Variants in BDP1 observed in about 807,000 individuals in gnomAD.
The protein encoded by BDP1 is transcription factor TFIIIB component B'' homolog.
In BDP1, 169 loss-of-function variants were observed where a neutral mutation model predicts 266.6. The ratio of observed to expected loss-of-function variants is 0.63; its 90% CI spans 0.56 to 0.72. The LOEUF is 0.72. Ranked by LOEUF, BDP1 falls within the 30% of genes least tolerant of loss-of-function variation. The pLI, the probability that BDP1 is intolerant of heterozygous loss-of-function variation, is 0.00. For synonymous variants in BDP1, 1,090 were observed against 1,022.4 expected (o/e 1.07, Z -1.26); for missense variants, 3,015 against 3,053.8 (o/e 0.99, Z 0.30).
intron 25 of BDP1, among the ~76,000 whole-genome samples, chr5:71,525,031 C>T (rs1381921922): frequency 6.6e-6 from 1 of 152,098 alleles, no homozygotes; most frequent in African/African-American, 2.4e-5. Flanking sequence ...CCCATGTCTA[C>T]CTCTTTCTAC....
At chr5:71,540,608 A>G (rs1766907486) in intron 28 of BDP1, among the ~76,000 whole-genome samples, 1 of 152,120 alleles carries the variant, frequency 6.6e-6, no homozygotes. Flanking sequence ...GATTACAGGC[A>G]TGAGCCACCG....
intron 22 of BDP1, among the ~76,000 whole-genome samples, chr5:71,520,487 T>A (rs1371379227): frequency 6.6e-6 from 1 of 152,240 alleles, no homozygotes; most frequent in Non-Finnish European, 1.5e-5. Flanking sequence ...CAGAGCAATT[T>A]AACTCTGATA....
intron 13 of BDP1, among the ~76,000 whole-genome samples, chr5:71,499,039 T>C (rs1243151561): frequency 6.6e-6 from 1 of 152,172 alleles, no homozygotes; most frequent in East Asian, 1.9e-4. Context: ...ACTTTATCTA[T>C]GTATGCACAC....
Position 71,464,116 on chromosome 5 carries a change from GAGTA to G in BDP1, c.659+4_659+7del. 5 of 1,554,980 alleles carry G rather than the reference GAGTA, an allele frequency of 3.2e-6. No individual in the cohort carries two copies. Among genetic ancestry groups the G allele is most frequent in the African/African-American group, 2.8e-5 (2 of 72,650 alleles). On this transcript the variant is annotated splice_donor_variant and splice_donor_region_variant and coding_sequence_variant and intron_variant, in exon 4 of 39. Coordinates refer to ENST00000358731, the MANE Select transcript of BDP1 (RefSeq NM_018429.3). LOFTEE classifies it high-confidence loss of function. ...GCCATCGACTCCAGTCCAGACAAGA[GAGTA>G]AGTATTTTATTTTTGAATATATTCT...
At chr5:71,538,994 A>G (rs549416838) in intron 26 of BDP1, 48 bp from the exon 27 acceptor site, 2 of 1,272,916 alleles carry the variant, frequency 1.6e-6, no homozygotes, top group African/African-American at 1.5e-5. Flanking sequence ...GAAACAGAAC[A>G]TGTTTGGGGA....
At chr5:71,522,605 C>A in intron 23 of BDP1, 115 bp downstream of exon 23, 2 of 1,162,436 alleles carry the variant, frequency 1.7e-6, no homozygotes, top group Non-Finnish European at 2.4e-6. Flanking sequence ...TAACCATTTT[C>A]ATGAAAAGTG....
chr5:71,531,977 G>A (rs1766276212), intron 25 of BDP1, among the ~76,000 whole-genome samples: 1 of 152,156 alleles, frequency 6.6e-6, no homozygotes, highest in South Asian at 2.1e-4. Flanking sequence ...TTCTATAAAT[G>A]TTAACAGACT....
At chr5:71,490,100 C>A (rs1253650954) in intron 10 of BDP1, among the ~76,000 whole-genome samples, 1 of 151,936 alleles carries the variant, frequency 6.6e-6, no homozygotes, top group Non-Finnish European at 1.5e-5. Context: ...TTCCCTTTTT[C>A]TTTTTTACTC....
chr5:71,471,436 G>T lies in BDP1; in HGVS notation c.1014+947G>T, dbSNP rs983684936. 3.3e-5 allele frequency among the ~76,000 whole-genome samples: 5 copies of T among 152,292 alleles called. No individual in the cohort carries two copies. In the South Asian group the frequency reaches 1.0e-3, roughly 32 times the overall value. On this transcript the variant is annotated intron_variant, in intron 7 of 38. Transcript: ENST00000358731. ...TGGAATTACAGGCGTGAGCCATCAT[G>T]CCCGGTTGAGGGTAGCTTTTTCAAT...
Position 71,464,049 on chromosome 5 carries a change from G to A in BDP1, c.600-9G>A. The A allele has an allele frequency of 2.7e-6, 4 of 1,490,510 alleles. No homozygotes were observed. Among genetic ancestry groups the A allele is most frequent in the South Asian group, 1.2e-5 (1 of 80,374 alleles). The allele number at this position is 1,490,510 out of a possible 1,614,324, so 92.3% of individuals were successfully genotyped here. On this transcript the variant is annotated splice_polypyrimidine_tract_variant and intron_variant, in intron 3 of 38. Coordinates refer to ENST00000358731, the MANE Select transcript of BDP1 (RefSeq NM_018429.3). ...ATTTATTAAAGATATTGTTATTTAT[G>A]TTCAATAGTTCTTCACTGGAACAAG...
At chr5:71,544,555 A>G (rs368651460) in intron 31 of BDP1, 48 bp downstream of exon 31, 125 of 1,576,738 alleles carry the variant, frequency 7.9e-5, no homozygotes, top group Non-Finnish European at 1.1e-4. Flanking sequence ...TGTTTCAGCT[A>G]TAGCCTTAAG....
At chr5:71,489,254 A>T in intron 9 of BDP1, 150 bp from the exon 10 acceptor site, 1 of 528,128 alleles carries the variant, frequency 1.9e-6, no homozygotes, top group East Asian at 3.1e-5. Flanking sequence ...TATATTATTT[A>T]GTCATTTCCC....
Position 71,512,404 on chromosome 5 carries a change from A to C in BDP1, c.4223A>C (p.Glu1408Ala). Residue 1408 changes from glutamate (E) to alanine (A), a missense_variant, in exon 18 of 39, where the codon GAG (glutamate) becomes GCG (alanine). Glu to Ala is a moderately radical substitution (Grantham distance 107). Around this residue, in one of 3 missense-constraint regions of BDP1, gnomAD observed 2,383 missense variants for 2,404.9 expected, o/e 0.99. Transcript: ENST00000358731. ...VQGIQSPDVP[E>A]QFSDINLSKS... ...GGGATTCAATCTCCAGATGTTCCAG[A>C]GCAGTTTTCAGATATTAATTTAAGG... The C allele has an allele frequency of 6.4e-7, 1 of 1,563,848 alleles. No homozygotes were observed. The highest frequency in any genetic ancestry group is 8.6e-7 in the Non-Finnish European group (1 of 1,164,082).
intron 7 of BDP1, among the ~76,000 whole-genome samples, chr5:71,478,615 T>G (rs1038828339): frequency 1.3e-5 from 2 of 152,180 alleles, no homozygotes; most frequent in Admixed American, 1.3e-4. Context: ...CATATCGTTC[T>G]TGCCTCATAT....
At chr5:71,491,498 T>G (rs1474480101) in intron 11 of BDP1, among the ~76,000 whole-genome samples, 2 of 151,892 alleles carry the variant, frequency 1.3e-5, no homozygotes, top group Non-Finnish European at 2.9e-5. Context: ...GTGTGTGTGT[T>G]TTTAAATTTT....
Position 71,525,999 on chromosome 5 carries a change from C to G in BDP1, c.5772+1676C>G, listed in dbSNP as rs1048037734. On this transcript the variant is annotated intron_variant, in intron 25 of 38. Transcript: ENST00000358731. ...GGCTCCTCACATCCCAGACGATGGG[C>G]GGCCAGGCAGAGACGCTCCTCACTT... is the stretch of plus-strand genomic sequence containing the variant. Among the ~76,000 whole-genome samples the G allele has an allele frequency of 9.9e-5, 15 of 151,892 alleles. 1 individual carries two copies. Among genetic ancestry groups the G allele is most frequent in the African/African-American group, 3.6e-4 (15 of 41,476 alleles).
intron 36 of BDP1, 54 bp from the exon 37 acceptor site, chr5:71,559,928 A>G: frequency 6.4e-7 from 1 of 1,570,736 alleles, no homozygotes; most frequent in South Asian, 1.2e-5. Context: ...CTGGGATTAC[A>G]TGGAGTGTAT....
intron 10 of BDP1, 88 bp downstream of exon 10, chr5:71,489,770 A>G (rs1005836107): frequency 3.6e-6 from 4 of 1,121,152 alleles, no homozygotes; most frequent in East Asian, 2.4e-5. Context: ...TTCTGTCTAG[A>G]TAGCAATTAA....
intron 13 of BDP1, among the ~76,000 whole-genome samples, chr5:71,498,171 C>CT (rs1362339164): frequency 2.0e-5 from 3 of 152,118 alleles, no homozygotes; most frequent in Admixed American, 6.6e-5. Context: ...AGGATGGTCT[C>CT]TGTCTCCTGA....
Sources: allele counts gnomAD v4.1 joint callset (sites outside exome capture counted in the v4.1 genomes callset), GRCh38; gene constraint gnomAD v4.1.1; regional missense constraint gnomAD v4.1.1; transcripts MANE v1.5; gene names NCBI Gene and HGNC (gene_info 2026-07-23, HGNC 2026-07-21).